DNAH11: variants seen among roughly 807,000 people sequenced by gnomAD.
DNAH11 encodes dynein axonemal heavy chain 11.
Under a neutral mutation model 526.0 loss-of-function variants are expected in DNAH11, and 442 were observed. That is an observed-to-expected ratio of 0.84 (90% CI 0.78 to 0.91). The LOEUF is 0.91. Ranked by LOEUF, DNAH11 falls within the 40% of genes least tolerant of loss-of-function variation. The pLI is 0.00. For missense variants in DNAH11, 6,989 were observed against 5,448.7 expected (o/e 1.28, Z -8.90); for synonymous variants, 2,461 against 1,935.9 (o/e 1.27, Z -7.12).
At chr7:21,837,382 A>G (rs941125298) in intron 65 of DNAH11, among the ~76,000 whole-genome samples, 1 of 152,218 alleles carries the variant, frequency 6.6e-6, no homozygotes, top group Non-Finnish European at 1.5e-5. Flanking sequence ...ACACAATGGA[A>G]TACTACTCAG....
chr7:21,882,434 C>T (rs963709381), intron 75 of DNAH11, among the ~76,000 whole-genome samples: 13 of 152,208 alleles, frequency 8.5e-5, no homozygotes, highest in Non-Finnish European at 1.9e-4. Context: ...TACAAAATGG[C>T]CTTTTCAAGA....
chr7:21,692,045 C>T (rs80076384), intron 35 of DNAH11, among the ~76,000 whole-genome samples: 2 of 152,206 alleles, frequency 1.3e-5, no homozygotes, highest in South Asian at 2.1e-4. Flanking sequence ...ACCTAGTATC[C>T]GTTACGATTC....
At chr7:21,609,672 A>G (rs1420329983) in intron 20 of DNAH11, among the ~76,000 whole-genome samples, 1 of 152,260 alleles carries the variant, frequency 6.6e-6, no homozygotes, top group Non-Finnish European at 1.5e-5. Context: ...TGCTGAATAC[A>G]TATTCACAAA....
intron 54 of DNAH11, among the ~76,000 whole-genome samples, chr7:21,761,772 A>C (rs1157245953): frequency 1.3e-5 from 2 of 152,216 alleles, no homozygotes; most frequent in Non-Finnish European, 2.9e-5. Context: ...ATAATACATA[A>C]CATGGGAGAA....
At position 21,852,405 on chromosome 7, in the gene DNAH11, T is replaced by TA. The variant is rs55939718; in HGVS notation, c.10897-44dup. ...CTGGGCGACAGAGCAAGACTTCCTC[T>TA]AAAAAAAAAAAAAAAAAAGTACTTA... On this transcript the variant is annotated intron_variant, in intron 66 of 81. Coordinates refer to ENST00000409508, the MANE Select transcript of DNAH11 (RefSeq NM_001277115.2). 214,035 of 1,223,890 alleles carry TA rather than the reference T, an allele frequency of 0.17. 570 individuals are homozygous for TA. Among genetic ancestry groups the TA allele is most frequent in the Non-Finnish European group, 0.19 (171,252 of 920,690 alleles). The allele number at this position is 1,223,890 out of a possible 1,614,324, so 75.8% of individuals were successfully genotyped here.
intron 25 of DNAH11, among the ~76,000 whole-genome samples, chr7:21,630,139 G>C (rs1786534139): frequency 6.6e-6 from 1 of 151,684 alleles, no homozygotes; most frequent in Non-Finnish European, 1.5e-5. Context: ...TTATTTTAAA[G>C]AGATGACAAC....
chr7:21,833,186 A>T (rs769663327), intron 65 of DNAH11, among the ~76,000 whole-genome samples: 2 of 152,224 alleles, frequency 1.3e-5, no homozygotes, highest in Non-Finnish European at 2.9e-5. Context: ...AATTATAGGA[A>T]TGTATAAATT....
chr7:21,576,670 T>C (rs1381233720), intron 8 of DNAH11, among the ~76,000 whole-genome samples: 1 of 152,234 alleles, frequency 6.6e-6, no homozygotes, highest in Non-Finnish European at 1.5e-5. Context: ...TCAGTGTCAA[T>C]GCTGTATTTC....
chr7:21,612,293 C>G (rs142888178), intron 20 of DNAH11, among the ~76,000 whole-genome samples: 4 of 151,938 alleles, frequency 2.6e-5, no homozygotes, highest in African/African-American at 9.7e-5. Context: ...TGGTGGCTCA[C>G]GCCTGTAATC....
chr7:21,585,824 G>A (rs186532373), intron 9 of DNAH11, among the ~76,000 whole-genome samples: 2 of 152,316 alleles, frequency 1.3e-5, no homozygotes, highest in Admixed American at 1.3e-4. Context: ...TGCAATGAAA[G>A]AGAAGTGGAG....
chr7:21,856,017 T>A (rs1782833543), intron 68 of DNAH11, among the ~76,000 whole-genome samples: 1 of 152,064 alleles, frequency 6.6e-6, no homozygotes, highest in Non-Finnish European at 1.5e-5. Context: ...AAAGAGTGTT[T>A]GGAGAAAACA....
intron 61 of DNAH11, 34 bp from the exon 62 acceptor site, chr7:21,801,103 A>G: frequency 6.3e-7 from 1 of 1,576,444 alleles, no homozygotes; most frequent in Non-Finnish European, 8.6e-7. Context: ...TTTTAACTAA[A>G]AATGACTCAA....
chr7:21,867,756 G>A (rs759589077), intron 71 of DNAH11, 103 bp from the exon 72 acceptor site: 1 of 1,038,346 alleles, frequency 9.6e-7, no homozygotes, highest in South Asian at 1.6e-5. Context: ...TAATAAACCT[G>A]GTTACTTCTA....
At chr7:21,622,024 A>C (rs1397928768) in intron 25 of DNAH11, among the ~76,000 whole-genome samples, 4 of 152,210 alleles carry the variant, frequency 2.6e-5, no homozygotes, top group Non-Finnish European at 4.4e-5. Flanking sequence ...AGAGGAAGTC[A>C]AATTGTCCCT....
intron 76 of DNAH11, among the ~76,000 whole-genome samples, chr7:21,888,661 C>T (rs569252687): frequency 2.3e-3 from 351 of 151,844 alleles, no homozygotes; most frequent in Non-Finnish European, 3.9e-3. Context: ...GGCTAATTTT[C>T]GTATTTTTAG....
chr7:21,594,063 T>TACACACACACACACACACACACAC (rs59727118), intron 14 of DNAH11, among the ~76,000 whole-genome samples: 2 of 137,522 alleles, frequency 1.5e-5, no homozygotes, highest in South Asian at 2.6e-4. Context: ...CATACACACA[T>TACACACACACACACACACACACAC]ACACACACAC....
Position 21,852,375 on chromosome 7 carries a change from C to A in DNAH11, c.10897-92C>A. On this transcript the variant is annotated intron_variant, in intron 66 of 81. Transcript: ENST00000409508. ...TGAGCCAAGATCATACCACTGTACT[C>A]CAGCCTGGGCGACAGAGCAAGACTT... 4 of 1,355,788 alleles carry A rather than the reference C, an allele frequency of 3.0e-6. 1 individual carries two copies. The highest frequency in any genetic ancestry group is 4.3e-4 in the Middle Eastern group (2 of 4,654). 84.0% of individuals were successfully genotyped at this position (1,355,788 alleles called of 1,614,324 possible).
At chr7:21,839,173 T>A (rs1782108495) in intron 65 of DNAH11, among the ~76,000 whole-genome samples, 1 of 152,206 alleles carries the variant, frequency 6.6e-6, no homozygotes, top group Admixed American at 6.5e-5. Flanking sequence ...CTTTTACCCA[T>A]CTTTCACTTG....
chr7:21,885,425 G>A (rs1229411292), intron 76 of DNAH11, among the ~76,000 whole-genome samples: 1 of 151,694 alleles, frequency 6.6e-6, no homozygotes, highest in African/African-American at 2.4e-5. Flanking sequence ...TCCTATAAAT[G>A]GTGAATAGAA....
Sources: gnomAD v4.1 joint callset for allele counts (sites outside exome capture counted in the v4.1 genomes callset) on GRCh38, gnomAD v4.1.1 for gene constraint, MANE v1.5 for transcripts, NCBI Gene and HGNC (gene_info 2026-07-23, HGNC 2026-07-21) for gene names.